The following PARG variants were observed in gnomAD, a reference collection of about 807,000 sequenced individuals.
PARG encodes the protein mitochondrial poly(ADP-ribose) glycohydrolase.
In PARG, 35 loss-of-function variants were observed where a neutral mutation model predicts 113.0. The ratio of observed to expected loss-of-function variants is 0.31; its 90% CI spans 0.24 to 0.41. PARG has a LOEUF of 0.41. Ranked by LOEUF, PARG falls within the 10% of genes least tolerant of loss-of-function variation. The probability of loss-of-function intolerance (pLI) is 1.00; values close to 1 mark genes in which losing one functional copy is unlikely to be tolerated. For synonymous variants in PARG, 330 were observed against 409.9 expected, an observed-to-expected ratio of 0.81 and a Z score of 2.36; for missense variants, 797 against 1,169.4, an observed-to-expected ratio of 0.68 and a Z score of 4.64.
At chr10:49,866,469 A>G (rs1405572956) in intron 10 of PARG, among the ~76,000 whole-genome samples, 1 of 151,936 alleles carries the variant, frequency 6.6e-6, no homozygotes, top group Non-Finnish European at 1.5e-5. Context: ...TAGATACCTA[A>G]CTTTAAGATA....
At chr10:49,886,334 T>C (rs1289703850) in intron 7 of PARG, among the ~76,000 whole-genome samples, 2 of 152,264 alleles carry the variant, frequency 1.3e-5, no homozygotes, top group African/African-American at 4.8e-5. Context: ...ACCATTTGTT[T>C]ATCTGCAGCT....
Position 49,848,646 on chromosome 10 carries a change from T to C in PARG, c.2354-5014A>G, listed in dbSNP as rs573654202. Among the ~76,000 whole-genome samples, 45 of 151,512 alleles carry C rather than the reference T, an allele frequency of 3.0e-4. 1 individual carries two copies. The South Asian group carries it at 6.1e-3, about 20-fold the overall frequency. ...CCTTGACACCATAAGTAGGGTTGAT[T>C]GTTCTTCCTCCATGCTCCCAAGGTA... On this transcript the variant is annotated intron_variant, in intron 13 of 17. Coordinates refer to ENST00000616448, the MANE Select transcript of PARG (RefSeq NM_003631.5).
intron 4 of PARG, among the ~76,000 whole-genome samples, chr10:49,925,568 C>T (rs187574613): frequency 4.6e-3 from 703 of 152,246 alleles, no homozygotes; most frequent in East Asian, 0.018. Flanking sequence ...TCTCCTGGGG[C>T]GGTGTCACAG....
chr10:49,849,013 T>C (rs1845638574), intron 13 of PARG, among the ~76,000 whole-genome samples: 2 of 151,996 alleles, frequency 1.3e-5, no homozygotes, highest in South Asian at 2.1e-4. Flanking sequence ...CTGACCAACA[T>C]GGAGAAACCC....
At position 49,863,022 on chromosome 10, in the gene PARG, T is replaced by G. The variant is rs1475929205; in HGVS notation, c.2130-1359A>C. ...GACTGAAGCTAGAAACTTTATAGTA[T>G]AGCTCTTAATAAAATCACGAAATTG... On this transcript the variant is annotated intron_variant, in intron 11 of 17. Transcript: ENST00000616448. 2.0e-5 allele frequency among the ~76,000 whole-genome samples: 3 copies of G among 151,584 alleles called. No individual in the cohort carries two copies. The South Asian group carries it at 6.3e-4, about 32-fold the overall frequency.
chr10:49,829,519 TA>T (rs1405777892), intron 16 of PARG, among the ~76,000 whole-genome samples: 1 of 152,018 alleles, frequency 6.6e-6, no homozygotes, highest in Non-Finnish European at 1.5e-5. Flanking sequence ...ATGCTCACAA[TA>T]AAAAAGATGC....
chr10:49,937,603 A>G (rs1319990768), intron 1 of PARG, among the ~76,000 whole-genome samples: 1 of 152,208 alleles, frequency 6.6e-6, no homozygotes, highest in African/African-American at 2.4e-5. Context: ...TGCAATGACT[A>G]GGTTCCTATA....
intron 13 of PARG, among the ~76,000 whole-genome samples, chr10:49,848,024 A>G (rs1845590325): frequency 6.6e-6 from 1 of 152,102 alleles, no homozygotes; most frequent in Non-Finnish European, 1.5e-5. Flanking sequence ...ACTTTTCTGT[A>G]AGTCTGAAGT....
At chr10:49,904,049 C>T (rs570446841) in intron 7 of PARG, among the ~76,000 whole-genome samples, 2 of 151,600 alleles carry the variant, frequency 1.3e-5, no homozygotes, top group East Asian at 3.9e-4. Context: ...AGAAATAGAG[C>T]CGAAACTCAA....
chr10:49,924,210 AT>A (rs1180396609), intron 4 of PARG, among the ~76,000 whole-genome samples: 28 of 146,514 alleles, frequency 1.9e-4, no homozygotes, highest in African/African-American at 7.1e-4. Flanking sequence ...AAAGTTTAAC[AT>A]TATGCCTATT....
intron 8 of PARG, among the ~76,000 whole-genome samples, chr10:49,881,320 TGGCTCAAAATAAATC>T (rs1371214927): frequency 1.3e-5 from 2 of 152,248 alleles, no homozygotes; most frequent in East Asian, 3.8e-4. Context: ...TACTCCCATT[TGGCTCAAAATAAATC>T]TCTTCAAATA....
chr10:49,932,368 G>T (rs1474022282), intron 3 of PARG, 85 bp from the exon 4 acceptor site: 1 of 811,650 alleles, frequency 1.2e-6, no homozygotes, highest in African/African-American at 1.7e-5. Context: ...TTACCCAGAC[G>T]TTATTGTTTA....
At chr10:49,909,012 C>T (rs1438086605) in intron 7 of PARG, among the ~76,000 whole-genome samples, 1 of 152,112 alleles carries the variant, frequency 6.6e-6, no homozygotes, top group Non-Finnish European at 1.5e-5. Context: ...GAAAAATCCT[C>T]TAACAATATT....
rs550568279 is a variant in PARG at position 49,923,885 on chromosome 10, T to C, written c.1456-1216A>G. Among the ~76,000 whole-genome samples, 11 of 151,464 alleles carry C rather than the reference T, an allele frequency of 7.3e-5. No homozygotes were observed. In the South Asian group the frequency reaches 1.9e-3, roughly 26 times the overall value. On this transcript the variant is annotated intron_variant, in intron 4 of 17. Coordinates refer to ENST00000616448, the MANE Select transcript of PARG (RefSeq NM_003631.5). ...TCACACCGCGCATGCAGACAGCCCA[T>C]CTCAAGGGAAGAATCAGGGGAGAAG...
intron 4 of PARG, among the ~76,000 whole-genome samples, chr10:49,927,966 T>TAAAAA (rs76592852): frequency 1.6e-5 from 2 of 128,978 alleles, no homozygotes; most frequent in Admixed American, 7.9e-5. Context: ...CCTGTCTCTT[T>TAAAAA]AAAAAAAAAA....
chr10:49,876,713 T>C (rs1554838421), intron 9 of PARG, among the ~76,000 whole-genome samples: 2 of 151,744 alleles, frequency 1.3e-5, no homozygotes, highest in African/African-American at 4.8e-5. Context: ...AATGAGACAA[T>C]ACTACATAAC....
Position 49,819,469 on chromosome 10 carries a change from T to G in PARG, c.2802A>C (p.Arg934=), listed in dbSNP as rs2132331572. ...TVGDVYKLLL[R]YYNEECRNCS... The stretch of plus-strand genomic sequence containing the variant: ...AGTTTCTGCATTCTTCATTGTAGTA[T>G]CGTAGCAACAGCTTATACACATCTC... The change falls in exon 18 of 18, where the codon CGA becomes CGC. Residue 934 remains arginine (R), a synonymous_variant. Coordinates refer to ENST00000616448, the MANE Select transcript of PARG (RefSeq NM_003631.5). The G allele has an allele frequency of 6.4e-7, 1 of 1,551,452 alleles. No individual in the cohort carries two copies. Among genetic ancestry groups the G allele is most frequent in the South Asian group, 1.2e-5 (1 of 84,054 alleles).
In PARG at chr10:49,881,224, T is replaced by G. The variant is rs180831852; in HGVS notation, c.1831-1394A>C. Among the ~76,000 whole-genome samples, 255 of 152,284 alleles carry G rather than the reference T, an allele frequency of 1.7e-3. 3 individuals are homozygous for G. Among genetic ancestry groups the G allele is most frequent in the East Asian group, 6.2e-3 (32 of 5,184 alleles). On this transcript the variant is annotated intron_variant, in intron 8 of 17. Transcript: ENST00000616448. ...TTTACATGTATTGATTGATGTCTTA[T>G]GTCTCCCTAAAATGTATAAAGCCAA...
intron 15 of PARG, among the ~76,000 whole-genome samples, chr10:49,840,040 AG>A (rs1554831952): frequency 6.6e-6 from 1 of 152,216 alleles, no homozygotes; most frequent in East Asian, 1.9e-4. Flanking sequence ...TTAAGGCAAG[AG>A]TTTGGAACAG....
Sources: gnomAD v4.1 joint callset for allele counts (sites outside exome capture counted in the v4.1 genomes callset) on GRCh38, gnomAD v4.1.1 for gene constraint, MANE v1.5 for transcripts, NCBI Gene and HGNC (gene_info 2026-07-23, HGNC 2026-07-21) for gene names.